Variants in PRPS1L1 observed in about 807,000 individuals in gnomAD.
The protein encoded by PRPS1L1 is ribose-phosphate pyrophosphokinase 3.
A neutral mutation model predicts 16.4 loss-of-function variants in PRPS1L1; 12 were observed. That is an observed-to-expected ratio of 0.73 (90% CI 0.47 to 1.19). The LOEUF (loss-of-function observed/expected upper bound fraction) is 1.19. Among genes scored for constraint, PRPS1L1 ranks in the 50% most tolerant of loss-of-function variants. The probability of loss-of-function intolerance (pLI) is 0.00; values close to 1 mark genes in which losing one functional copy is unlikely to be tolerated. For synonymous variants in PRPS1L1, 153 were observed against 142.5 expected (o/e 1.07, Z -0.53); for missense variants, 408 against 395.8 (o/e 1.03, Z -0.26).
In PRPS1L1 at chr7:18,027,840, C is replaced by A; in HGVS notation, c.-58G>T. On this transcript the variant is annotated 5_prime_UTR_variant, in exon 1 of 1. Transcript: ENST00000506618. ...GATCCAGCTGCCGCTGAGGCTGGAA[C>A]GGAAGTGAAGCACAGACTCTAATGG... 1 of 1,536,420 alleles carries A rather than the reference C, an allele frequency of 6.5e-7. No individual in the cohort carries two copies. Among genetic ancestry groups the A allele is most frequent in the Non-Finnish European group, 8.9e-7 (1 of 1,119,374 alleles).
chr7:18,027,714 C>A lies in PRPS1L1; in HGVS notation c.69G>T (p.Leu23=). The A allele has an allele frequency of 6.2e-7, 1 of 1,614,050 alleles. No individual in the cohort carries two copies. The highest frequency in any genetic ancestry group is 1.1e-5 in the South Asian group (1 of 91,062). Residue 23 remains leucine (L), a synonymous_variant, in exon 1 of 1, where the codon CTG becomes CTT. Transcript: ENST00000506618. ...TCACCACCTTGCCTAGCTCCAGGCC[C>A]AGGCGGTCAGCAATTTTCTGGGATA...
chr7:18,027,515 G>A lies in PRPS1L1; in HGVS notation c.268C>T (p.Pro90Ser). ...TCCTGTCGGGCATAAGGGAAGCATG[G>A]GATGACTGCAGTAACTCGGCTAGCT... The change falls in exon 1 of 1, where the codon CCA becomes TCA. Residue 90 changes from proline (P) to serine (S), a missense_variant. Coordinates refer to ENST00000506618, the MANE Select transcript of PRPS1L1 (RefSeq NM_175886.3). 1 of 1,614,150 alleles carries A rather than the reference G, an allele frequency of 6.2e-7. No homozygotes were observed. Among genetic ancestry groups the A allele is most frequent in the Non-Finnish European group, 8.5e-7 (1 of 1,180,028 alleles).
chr7:18,027,169 A>G lies in PRPS1L1; in HGVS notation c.614T>C (p.Ile205Thr). The G allele has an allele frequency of 6.2e-7, 1 of 1,614,232 alleles. No homozygotes were observed. Among genetic ancestry groups the G allele is most frequent in the South Asian group, 1.1e-5 (1 of 91,084 alleles). ...ATCATTCACATCTCCCACTAGCACT[A>G]TGCAGTCCACTTCATTGGCCTTCTT... Residue 205 changes from isoleucine to threonine, a missense_variant, in exon 1 of 1, where the codon ATA (isoleucine) becomes ACA (threonine). Physicochemically the swap from Ile to Thr is moderately conservative, Grantham distance 89 (BLOSUM62 -1). Transcript: ENST00000506618.
Position 18,027,630 on chromosome 7 carries a change from C to A in PRPS1L1, c.153G>T (p.Glu51Asp). 6.2e-7 allele frequency: 1 copy of A among 1,614,086 alleles called. No homozygotes were observed. ...AACCACTCTGAACGATGTAGACATCCTCTCCACGCACACTCTCATCAATTT... is the reference window on the plus strand; with the variant it reads ...AACCACTCTGAACGATGTAGACATCATCTCCACGCACACTCTCATCAATTT... The change falls in exon 1 of 1, where the codon GAG (glutamate) becomes GAT (aspartate). Residue 51 changes from glutamate (E) to aspartate (D), a missense_variant. Physicochemically the swap from Glu to Asp is conservative, Grantham distance 45 (BLOSUM62 2). Coordinates refer to ENST00000506618, the MANE Select transcript of PRPS1L1 (RefSeq NM_175886.3).
In PRPS1L1 at chr7:18,027,106, C is replaced by G. The variant is rs770735815; in HGVS notation, c.677G>C (p.Cys226Ser). The change falls in exon 1 of 1, where the codon TGT becomes TCT. Residue 226 changes from cysteine (C) to serine (S), a missense_variant. By Grantham distance (112) the Cys-to-Ser change is moderately radical. Coordinates refer to ENST00000506618, the MANE Select transcript of PRPS1L1 (RefSeq NM_175886.3). ...GTCAGCTGCGAGGCAGATTGTAACACAAGTGTCTGCCATGTCATCTACAAG... is the reference window on the plus strand; with the variant it reads ...GTCAGCTGCGAGGCAGATTGTAACAGAAGTGTCTGCCATGTCATCTACAAG... 6.2e-7 allele frequency: 1 copy of G among 1,614,244 alleles called. No homozygotes were observed. The highest frequency in any genetic ancestry group is 1.7e-5 in the Admixed American group (1 of 60,024).
rs1782191863 is a variant in PRPS1L1, at chr7:18,026,793, AT to A, written c.*32del. ...GGTTTGTTTTTATTAATCTTATTTT[AT>A]TTTAAAATAGCATAACCTAGAAGTT... On this transcript the variant is annotated 3_prime_UTR_variant, in exon 1 of 1. Coordinates refer to ENST00000506618, the MANE Select transcript of PRPS1L1 (RefSeq NM_175886.3). The A allele has an allele frequency of 8.4e-6, 12 of 1,422,380 alleles. No individual in the cohort carries two copies. The highest frequency in any genetic ancestry group is 1.1e-5 in the Non-Finnish European group (12 of 1,050,192). 88.1% of individuals were successfully genotyped at this position (1,422,380 alleles called of 1,614,324 possible).
rs1208550543 is a variant in PRPS1L1 at position 18,027,240 on chromosome 7, A to G, written c.543T>C (p.Ile181=). The change falls in exon 1 of 1, where the codon ATT becomes ATC. Residue 181 remains isoleucine (I), a synonymous_variant. Transcript: ENST00000506618. Reference sequence around the variant, plus strand: ...CAAAGTCCACATTCAACTGGTCTGCAATGGAGGTCACTCTTTTAGCTCCAC... The same window carrying G: ...CAAAGTCCACATTCAACTGGTCTGCGATGGAGGTCACTCTTTTAGCTCCAC... 6.2e-7 allele frequency: 1 copy of G among 1,614,194 alleles called. No individual in the cohort carries two copies. The highest frequency in any genetic ancestry group is 1.7e-5 in the Admixed American group (1 of 60,020).
Position 18,027,584 on chromosome 7 carries a change from G to GAC in PRPS1L1, c.197_198dup (p.Leu67ValfsTer2). On this transcript the variant is annotated frameshift_variant, in exon 1 of 1. Coordinates refer to ENST00000506618, the MANE Select transcript of PRPS1L1 (RefSeq NM_175886.3). LOFTEE classifies it high-confidence loss of function. Reference sequence around the variant, plus strand: ...TTAATCATGATCAAAAGCTCCATTAGACTGTCGTTGATTTCGCCACAACCA... The same window carrying GAC: ...TTAATCATGATCAAAAGCTCCATTAGACACTGTCGTTGATTTCGCCACAACCA... 6.2e-7 allele frequency: 1 copy of GAC among 1,614,060 alleles called. No individual in the cohort carries two copies. Among genetic ancestry groups the GAC allele is most frequent in the South Asian group, 1.1e-5 (1 of 91,068 alleles).
chr7:18,027,143 G>T lies in PRPS1L1; in HGVS notation c.640C>A (p.Arg214Ser), dbSNP rs768761052. The T allele has an allele frequency of 1.2e-6, 2 of 1,614,202 alleles. No homozygotes were observed. Among genetic ancestry groups the T allele is most frequent in the Non-Finnish European group, 1.7e-6 (2 of 1,180,036 alleles). Residue 214 changes from arginine (R) to serine (S), a missense_variant, in exon 1 of 1, where the codon CGT becomes AGT. Arg to Ser is a moderately radical substitution (Grantham distance 110). Coordinates refer to ENST00000506618, the MANE Select transcript of PRPS1L1 (RefSeq NM_175886.3). ...ATGTCATCTACAAGGATAGCCACAC[G>T]ATCATTCACATCTCCCACTAGCACT...
Position 18,027,203 on chromosome 7 carries a change from T to C in PRPS1L1, c.580A>G (p.Lys194Glu). The C allele has an allele frequency of 1.2e-6, 2 of 1,614,218 alleles. No homozygotes were observed. Among genetic ancestry groups the C allele is most frequent in the Non-Finnish European group, 1.7e-6 (2 of 1,180,036 alleles). The change falls in exon 1 of 1, where the codon AAA becomes GAA. Residue 194 changes from lysine to glutamate, a missense_variant. Physicochemically the swap from Lys to Glu is moderately conservative, Grantham distance 56 (BLOSUM62 1). Coordinates refer to ENST00000506618, the MANE Select transcript of PRPS1L1 (RefSeq NM_175886.3). ...ACTTCATTGGCCTTCTTCCGTTCTT[T>C]ATGAATCAAAGCAAAGTCCACATTC... is the stretch of plus-strand genomic sequence containing the variant.
rs980854242 is a variant in PRPS1L1, at chr7:18,027,408, G to A, written c.375C>T (p.Ile125=). The A allele has an allele frequency of 6.2e-7, 1 of 1,614,218 alleles. No homozygotes were observed. Among genetic ancestry groups the A allele is most frequent in the Non-Finnish European group, 8.5e-7 (1 of 1,180,046 alleles). ...TTTGAGAAGCATGTAGGTCCATGGT[G>A]ATGATATGATCCGCACCTGCTATAG... Residue 125 remains isoleucine, a synonymous_variant, in exon 1 of 1, where the codon ATC becomes ATT. Transcript: ENST00000506618.
rs746174517 is a variant in PRPS1L1, at chr7:18,027,430, A to G, written c.353T>C (p.Ile118Thr). 18 of 1,614,206 alleles carry G rather than the reference A, an allele frequency of 1.1e-5. No homozygotes were observed. Among genetic ancestry groups the G allele is most frequent in the Non-Finnish European group, 1.4e-5 (16 of 1,180,026 alleles). Residue 118 changes from isoleucine (I) to threonine (T), a missense_variant, in exon 1 of 1, where the codon ATA becomes ACA. Physicochemically the swap from Ile to Thr is moderately conservative, Grantham distance 89. Transcript: ENST00000506618. ...GGTGATGATATGATCCGCACCTGCT[A>G]TAGAGAGCATATTTGCAACAAGCTT... is the stretch of plus-strand genomic sequence containing the variant.
In PRPS1L1 at chr7:18,027,460, G is replaced by C; in HGVS notation, c.323C>G (p.Ser108Cys). The C allele has an allele frequency of 6.2e-7, 1 of 1,614,202 alleles. No individual in the cohort carries two copies. The highest frequency in any genetic ancestry group is 8.5e-7 in the Non-Finnish European group (1 of 1,180,034). ...GAGCATATTTGCAACAAGCTTGGCA[G>C]AGATTGGGGACCGGCTCTTATCCTT... The change falls in exon 1 of 1, where the codon TCT (serine) becomes TGT (cysteine). Residue 108 changes from serine (S) to cysteine (C), a missense_variant. By Grantham distance (112) the Ser-to-Cys change is moderately radical. Transcript: ENST00000506618.
In PRPS1L1 at chr7:18,027,486, C is replaced by T. The variant is rs1782206682; in HGVS notation, c.297G>A (p.Lys99=). 3 of 1,614,158 alleles carry T rather than the reference C, an allele frequency of 1.9e-6. No homozygotes were observed. Among genetic ancestry groups the T allele is most frequent in the African/African-American group, 1.3e-5 (1 of 75,040 alleles). The stretch of plus-strand genomic sequence containing the variant: ...AGATTGGGGACCGGCTCTTATCCTT[C>T]TTATCCTGTCGGGCATAAGGGAAGC... The change falls in exon 1 of 1, where the codon AAG becomes AAA. Residue 99 remains lysine (K), a synonymous_variant. Transcript: ENST00000506618.
chr7:18,027,548 T>C lies in PRPS1L1; in HGVS notation c.235A>G (p.Ile79Val), dbSNP rs1782208150. 1.2e-6 allele frequency: 2 copies of C among 1,614,102 alleles called. No homozygotes were observed. Among genetic ancestry groups the C allele is most frequent in the Non-Finnish European group, 1.7e-6 (2 of 1,180,040 alleles). ...GCAGTAACTCGGCTAGCTGAAGCAA[T>C]CTTGCAGGCATTAATCATGATCAAA... The change falls in exon 1 of 1, where the codon ATT becomes GTT. Residue 79 changes from isoleucine (I) to valine (V), a missense_variant. Physicochemically the swap from Ile to Val is conservative, Grantham distance 29. Transcript: ENST00000506618.
rs142006625 is a variant in PRPS1L1, at chr7:18,027,810, C to A, written c.-28G>T. ...TGGCCAACTACCAGAGGCACTCCGT[C>A]GAGCGATCCAGCTGCCGCTGAGGCT... On this transcript the variant is annotated 5_prime_UTR_variant, in exon 1 of 1. Transcript: ENST00000506618. The A allele has an allele frequency of 2.5e-6, 4 of 1,606,700 alleles. No homozygotes were observed. The South Asian group carries it at 3.3e-5, about 13-fold the overall frequency.
In PRPS1L1 at chr7:18,027,323, A is replaced by G. The variant is rs1259449842; in HGVS notation, c.460T>C (p.Trp154Arg). ...CACTCAGGGATATTCTCCCTTATCCACTTCAGGACAGTTGGCTCTGCATAC... is the reference window on the plus strand; with the variant it reads ...CACTCAGGGATATTCTCCCTTATCCGCTTCAGGACAGTTGGCTCTGCATAC... The change falls in exon 1 of 1, where the codon TGG becomes CGG. Residue 154 changes from tryptophan to arginine, a missense_variant. By Grantham distance (101) the Trp-to-Arg change is moderately radical. Coordinates refer to ENST00000506618, the MANE Select transcript of PRPS1L1 (RefSeq NM_175886.3). 1 of 1,614,122 alleles carries G rather than the reference A, an allele frequency of 6.2e-7. No individual in the cohort carries two copies. Among genetic ancestry groups the G allele is most frequent in the Admixed American group, 1.7e-5 (1 of 60,002 alleles).
Position 18,026,998 on chromosome 7 carries a change from T to A in PRPS1L1, c.785A>T (p.Asn262Ile), listed in dbSNP as rs1782195589. 6.2e-7 allele frequency: 1 copy of A among 1,614,064 alleles called. No individual in the cohort carries two copies. The highest frequency in any genetic ancestry group is 8.5e-7 in the Non-Finnish European group (1 of 1,180,040). ...TACCACTGCTTCAAAGCATGCAGTGTTGATGCGAGAAATGGCTGGGCCAGA... is the reference window on the plus strand; with the variant it reads ...TACCACTGCTTCAAAGCATGCAGTGATGATGCGAGAAATGGCTGGGCCAGA... Residue 262 changes from asparagine (N) to isoleucine (I), a missense_variant, in exon 1 of 1, where the codon AAC becomes ATC. Coordinates refer to ENST00000506618, the MANE Select transcript of PRPS1L1 (RefSeq NM_175886.3).
In PRPS1L1 at chr7:18,027,594, GA is replaced by G. The variant is rs757422287; in HGVS notation, c.188del (p.Ile63ThrfsTer5). The G allele has an allele frequency of 5.6e-6, 9 of 1,613,956 alleles. No homozygotes were observed. Among genetic ancestry groups the G allele is most frequent in the Admixed American group, 1.7e-5 (1 of 59,984 alleles). ...TCAAAAGCTCCATTAGACTGTCGTT[GA>G]TTTCGCCACAACCACTCTGAACGAT... On this transcript the variant is annotated frameshift_variant, in exon 1 of 1. Transcript: ENST00000506618. LOFTEE classifies it high-confidence loss of function.
Sources: gnomAD v4.1 joint callset for allele counts on GRCh38, gnomAD v4.1.1 for gene constraint, MANE v1.5 for transcripts, NCBI Gene and HGNC (gene_info 2026-07-23, HGNC 2026-07-21) for gene names.